The following TACC3 variants were observed in gnomAD, a reference collection of about 807,000 sequenced individuals.
The protein encoded by TACC3 is transforming acidic coiled-coil containing protein 3.
TACC3 carries 52 observed loss-of-function variants against 86.0 expected under a neutral mutation model. The ratio of observed to expected loss-of-function variants is 0.60; its 90% CI spans 0.48 to 0.76. TACC3 has a LOEUF of 0.76. Ranked by LOEUF, TACC3 falls within the 30% of genes least tolerant of loss-of-function variation. The probability of loss-of-function intolerance (pLI) is 0.00; values close to 1 mark genes in which losing one functional copy is unlikely to be tolerated. For synonymous variants in TACC3, 512 were observed against 430.0 expected (o/e 1.19, Z -2.36); for missense variants, 1,120 against 1,070.4 (o/e 1.05, Z -0.65).
chr4:1,733,976 CAA>C (rs59539835), intron 6 of TACC3, among the ~76,000 whole-genome samples: 12 of 123,408 alleles, frequency 9.7e-5, no homozygotes, highest in Non-Finnish European at 1.0e-4. Flanking sequence ...GACTCTGTCT[CAA>C]AAAAAAAAAA....
In TACC3 at chr4:1,735,952, G is replaced by A. The variant is rs1718242333; in HGVS notation, c.1748+118G>A. The A allele has an allele frequency of 5.3e-6, 4 of 752,078 alleles. No homozygotes were observed. The highest frequency in any genetic ancestry group is 5.3e-5 in the African/African-American group (3 of 57,106). The allele number at this position is 752,078 out of a possible 1,614,324, so 46.6% of individuals were successfully genotyped here. On this transcript the variant is annotated intron_variant, in intron 8 of 15. Coordinates refer to ENST00000313288, the MANE Select transcript of TACC3 (RefSeq NM_006342.3). This position sits in a 1 kb window ranked among gnomAD's most constrained non-coding sequence, Gnocchi z 4.2. The stretch of plus-strand genomic sequence containing the variant: ...GACCGGGGGGAGATGATCAGAACTG[G>A]AAAGGAGCTGTGCTAGGGGTGGGCT...
At chr4:1,738,260 C>A in intron 10 of TACC3, 1 of 253,696 alleles carries the variant, frequency 3.9e-6, no homozygotes, top group Non-Finnish European at 7.9e-6. Flanking sequence ...GCCAGATGGT[C>A]CCCAGGGAGG....
chr4:1,731,332 G>A, intron 6 of TACC3, 31 bp downstream of exon 6: 2 of 1,610,650 alleles, frequency 1.2e-6, no homozygotes, highest in Admixed American at 3.3e-5. Context: ...GTCACACACA[G>A]TCTGCCCGGA....
At chr4:1,724,401 T>C (rs1717583723) in intron 3 of TACC3, among the ~76,000 whole-genome samples, 1 of 143,214 alleles carries the variant, frequency 7.0e-6, no homozygotes, top group Admixed American at 6.9e-5. Flanking sequence ...TTTTTTTTTT[T>C]TTTTCTGGAG....
chr4:1,723,120 C>G (rs2108680797), intron 1 of TACC3: 2 of 391,510 alleles, frequency 5.1e-6, no homozygotes, highest in South Asian at 6.3e-5. Flanking sequence ...AGAGATTATG[C>G]AGGCTTGGGT....
rs375469103 is a variant in TACC3 at position 1,739,820 on chromosome 4, C to T, written c.2018+42C>T. On this transcript the variant is annotated intron_variant, in intron 11 of 15. Transcript: ENST00000313288. Reference sequence around the variant, plus strand: ...TCCTGTCCTCCCCGTCCCCATCCCCCTCGCCATCCTTGTCCCCATCCCCCT... The same window carrying T: ...TCCTGTCCTCCCCGTCCCCATCCCCTTCGCCATCCTTGTCCCCATCCCCCT... 37 of 684,890 alleles carry T rather than the reference C, an allele frequency of 5.4e-5. No homozygotes were observed. In the African/African-American group the frequency reaches 9.0e-4, roughly 17 times the overall value. 42.4% of individuals were successfully genotyped at this position (684,890 alleles called of 1,614,324 possible). A position where few individuals can be genotyped will look rare whatever the true frequency, so the allele number is the denominator to read the frequency against.
At chr4:1,732,680 G>T (rs1264274767) in intron 6 of TACC3, among the ~76,000 whole-genome samples, 3 of 152,206 alleles carry the variant, frequency 2.0e-5, no homozygotes, top group African/African-American at 7.2e-5. Context: ...GCTGGGATGG[G>T]CCTGTCACCC....
At chr4:1,732,004 C>A (rs57456249) in intron 6 of TACC3, among the ~76,000 whole-genome samples, 1 of 152,122 alleles carries the variant, frequency 6.6e-6, no homozygotes, top group African/African-American at 2.4e-5. Flanking sequence ...ACGGTTTGTC[C>A]GTAAGACTGG....
At chr4:1,731,923 C>T (rs1023343744) in intron 6 of TACC3, among the ~76,000 whole-genome samples, 6 of 152,260 alleles carry the variant, frequency 3.9e-5, no homozygotes, top group Non-Finnish European at 8.8e-5. Context: ...CGTGAGCCCC[C>T]GCGCCCGGCC....
chr4:1,735,133 C>T lies in TACC3; in HGVS notation c.1592-140C>T. ...GCCTGCCGCAGACAGCAGTCAGGCCCCGAACATCCACACCTCCAAGGGAGG... is the reference window on the plus strand; with the variant it reads ...GCCTGCCGCAGACAGCAGTCAGGCCTCGAACATCCACACCTCCAAGGGAGG... On this transcript the variant is annotated intron_variant, in intron 6 of 15. Coordinates refer to ENST00000313288, the MANE Select transcript of TACC3 (RefSeq NM_006342.3). The surrounding 1 kb of genome is among the most constrained non-coding windows in gnomAD (Gnocchi z 4.2). The T allele has an allele frequency of 8.3e-7, 1 of 1,210,610 alleles. No homozygotes were observed. Among genetic ancestry groups the T allele is most frequent in the Non-Finnish European group, 1.2e-6 (1 of 852,524 alleles). 75.0% of individuals were successfully genotyped at this position (1,210,610 alleles called of 1,614,324 possible).
rs758651344 is a variant in TACC3, at chr4:1,723,349, C to T, written c.-1-72C>T. ...GAAGTGGTCGTGCCCCTTGCAGCAGCTGTCACGTCTGTGTCTGGACAATGT... is the reference window on the plus strand; with the variant it reads ...GAAGTGGTCGTGCCCCTTGCAGCAGTTGTCACGTCTGTGTCTGGACAATGT... On this transcript the variant is annotated intron_variant, in intron 1 of 15. Transcript: ENST00000313288. The T allele has an allele frequency of 6.6e-6, 10 of 1,516,790 alleles. No homozygotes were observed. In the East Asian group the frequency reaches 1.1e-4, roughly 17 times the overall value. 94.0% of individuals were successfully genotyped at this position (1,516,790 alleles called of 1,614,324 possible).
At chr4:1,723,909 C>G in intron 3 of TACC3, 39 bp downstream of exon 3, 2 of 1,606,356 alleles carry the variant, frequency 1.2e-6, no homozygotes, top group South Asian at 2.2e-5. Context: ...GAGCTTCACC[C>G]TCTCTGTCCG....
chr4:1,735,315 G>T lies in TACC3; in HGVS notation c.1634G>T (p.Gly545Val), dbSNP rs1718198966. ...GAGGTGGATTACCTGGAGCAGTTTG[G>T]AACTTCCTCGGTAGGTACCAGGCAA... ...GAEVDYLEQFGTSSFKESALR... is the reference protein window; with the variant it reads ...GAEVDYLEQFVTSSFKESALR... Residue 545 changes from glycine to valine, a missense_variant, in exon 7 of 16, where the codon GGA (glycine) becomes GTA (valine). Gly to Val is a moderately radical substitution (Grantham distance 109). Transcript: ENST00000313288. This position sits in a 1 kb window ranked among gnomAD's most constrained non-coding sequence, Gnocchi z 4.2. 9 of 1,613,912 alleles carry T rather than the reference G, an allele frequency of 5.6e-6. No individual in the cohort carries two copies. The highest frequency in any genetic ancestry group is 7.6e-6 in the Non-Finnish European group (9 of 1,180,034).
chr4:1,732,631 G>T (rs1291827967), intron 6 of TACC3, among the ~76,000 whole-genome samples: 1 of 152,238 alleles, frequency 6.6e-6, no homozygotes, highest in Non-Finnish European at 1.5e-5. Flanking sequence ...TCGCTGACAG[G>T]ATAGTTGTGG....
chr4:1,723,482 G>T lies in TACC3; in HGVS notation c.61G>T (p.Asp21Tyr). 6.2e-7 allele frequency: 1 copy of T among 1,613,674 alleles called. No individual in the cohort carries two copies. The highest frequency in any genetic ancestry group is 1.1e-5 in the South Asian group (1 of 91,082). ...CAATGAAAAAAATACAGAAAATTGC[G>T]ACTTCCTGTTTTCGCCACCAGAAGT... ...VSNEKNTENC[D>Y]FLFSPPEVTG... is the part of the protein sequence containing the mutation. The change falls in exon 2 of 16, where the codon GAC (aspartate) becomes TAC (tyrosine). Residue 21 changes from aspartate (D) to tyrosine (Y), a missense_variant. Transcript: ENST00000313288.
In TACC3 at chr4:1,740,890, C is replaced by A; in HGVS notation, c.2127C>A (p.Asp709Glu). ...TCCAGAAAGTTCTAAAAGAAAAAGA[C>A]CAACTTACCACAGATCTGAACTCCA... ...AEIQKVLKEK[D>E]QLTTDLNSME... Residue 709 changes from aspartate to glutamate, a missense_variant, in exon 13 of 16, where the codon GAC (aspartate) becomes GAA (glutamate). Coordinates refer to ENST00000313288, the MANE Select transcript of TACC3 (RefSeq NM_006342.3). 1.9e-6 allele frequency: 3 copies of A among 1,613,118 alleles called. No homozygotes were observed. The highest frequency in any genetic ancestry group is 1.1e-5 in the South Asian group (1 of 90,958).
rs748197142 is a variant in TACC3, at chr4:1,723,496, G to A, written c.75G>A (p.Ser25=). The change falls in exon 2 of 16, where the codon TCG becomes TCA. Residue 25 remains serine (S), a synonymous_variant. Coordinates refer to ENST00000313288, the MANE Select transcript of TACC3 (RefSeq NM_006342.3). ...CAGAAAATTGCGACTTCCTGTTTTCGCCACCAGAAGTTACCGGAAGATCGT... is the reference window on the plus strand; with the variant it reads ...CAGAAAATTGCGACTTCCTGTTTTCACCACCAGAAGTTACCGGAAGATCGT... ...KNTENCDFLF[S]PPEVTGRSSV... 1.7e-5 allele frequency: 28 copies of A among 1,613,596 alleles called. No individual in the cohort carries two copies. Among genetic ancestry groups the A allele is most frequent in the Non-Finnish European group, 2.1e-5 (25 of 1,179,996 alleles).
rs1460188429 is a variant in TACC3, at chr4:1,727,895, G to A, written c.493G>A (p.Glu165Lys). Residue 165 changes from glutamate to lysine, a missense_variant, in exon 4 of 16, where the codon GAG becomes AAG. Coordinates refer to ENST00000313288, the MANE Select transcript of TACC3 (RefSeq NM_006342.3). The part of the protein sequence containing the change: ...SSSSQSPGSS[E>K]NQMVSPGKVS... Reference sequence around the variant, plus strand: ...CTCTTCCCAGAGCCCAGGAAGTTCTGAGAACCAAATGGTGTCTCCAGGAAA... The same window carrying A: ...CTCTTCCCAGAGCCCAGGAAGTTCTAAGAACCAAATGGTGTCTCCAGGAAA... 3 of 1,613,848 alleles carry A rather than the reference G, an allele frequency of 1.9e-6. No homozygotes were observed. In the East Asian group the frequency reaches 6.7e-5, roughly 36 times the overall value.
Position 1,728,273 on chromosome 4 carries a change from C to A in TACC3, c.871C>A (p.Leu291Ile). ...TPVPADGTQT[L>I]TCAHTSAPES... Reference sequence around the variant, plus strand: ...CGTGCCAGCAGATGGCACTCAGACCCTTACCTGTGCACACACCTCTGCTCC... The same window carrying A: ...CGTGCCAGCAGATGGCACTCAGACCATTACCTGTGCACACACCTCTGCTCC... The change falls in exon 4 of 16, where the codon CTT (leucine) becomes ATT (isoleucine). Residue 291 changes from leucine to isoleucine, a missense_variant. By Grantham distance (5) the Leu-to-Ile change is conservative. Coordinates refer to ENST00000313288, the MANE Select transcript of TACC3 (RefSeq NM_006342.3). 1 of 1,612,744 alleles carries A rather than the reference C, an allele frequency of 6.2e-7. No homozygotes were observed.
Sources: gnomAD v4.1 joint callset for allele counts (sites outside exome capture counted in the v4.1 genomes callset) on GRCh38, gnomAD v4.1.1 for gene constraint, Gnocchi (gnomAD v3.1) non-coding constraint, MANE v1.5 for transcripts, NCBI Gene and HGNC (gene_info 2026-07-23, HGNC 2026-07-21) for gene names.